The following PRDM15 variants were observed in gnomAD, a reference collection of about 807,000 sequenced individuals.
PRDM15 encodes PR/SET domain 15, also known as PR domain zinc finger protein 15.
PRDM15 carries 64 observed loss-of-function variants against 128.6 expected under a neutral mutation model. The ratio of observed to expected loss-of-function variants is 0.50; its 90% CI spans 0.41 to 0.61. The LOEUF is 0.61. Ranked by LOEUF, PRDM15 falls within the 20% of genes least tolerant of loss-of-function variation. The probability of loss-of-function intolerance (pLI) is 0.00; values close to 1 mark genes in which losing one functional copy is unlikely to be tolerated. For missense variants in PRDM15, 1,242 were observed against 1,569.1 expected, an observed-to-expected ratio of 0.79 and a Z score of 3.52; for synonymous variants, 615 against 621.8, an observed-to-expected ratio of 0.99 and a Z score of 0.16.
intron 1 of PRDM15, among the ~76,000 whole-genome samples, chr21:41,863,847 A>ATT (rs569051799): frequency 2.8e-5 from 4 of 145,388 alleles, no homozygotes; most frequent in Non-Finnish European, 4.6e-5. Flanking sequence ...TGCCCAAAGC[A>ATT]TTTTTTTTTT....
chr21:41,837,149 C>T (rs928458570), intron 8 of PRDM15, among the ~76,000 whole-genome samples: 2 of 152,130 alleles, frequency 1.3e-5, no homozygotes, highest in Non-Finnish European at 2.9e-5. Flanking sequence ...AAGAGGTGAT[C>T]CGAAAAGGGC....
intron 1 of PRDM15, among the ~76,000 whole-genome samples, 168 bp from the exon 2 acceptor site, chr21:41,860,540 A>G (rs2063779962): frequency 2.0e-5 from 3 of 152,224 alleles, no homozygotes. Context: ...CTCCTGCCTC[A>G]GCCTCCTGAG....
At chr21:41,817,536 T>G (rs2062095116) in intron 18 of PRDM15, among the ~76,000 whole-genome samples, 1 of 152,096 alleles carries the variant, frequency 6.6e-6, no homozygotes, top group Non-Finnish European at 1.5e-5. Context: ...AGTAATAATA[T>G]GCAACAGTGT....
chr21:41,802,815 G>T lies in PRDM15; in HGVS notation c.2840C>A (p.Pro947Gln). The stretch of plus-strand genomic sequence containing the variant: ...GCTGAAGGTGGCGTCCTCGGGCACC[G>T]GAGCACCCGCCTCCTCTTCTGGCTT... ...KQKPEEEAGAPVPEDATFSEY... is the reference protein window; with the variant it reads ...KQKPEEEAGAQVPEDATFSEY... The change falls in exon 23 of 24, where the codon CCG (proline) becomes CAG (glutamine). Residue 947 changes from proline to glutamine, a missense_variant. By Grantham distance (76) the Pro-to-Gln change is moderately conservative. This residue lies in a region of PRDM15 where 602 missense variants were observed against 788.3 expected (regional missense o/e 0.76). Coordinates refer to ENST00000398548, the MANE Select transcript of PRDM15 (RefSeq NM_001040424.3). The T allele has an allele frequency of 1.2e-6, 2 of 1,614,116 alleles. No individual in the cohort carries two copies. The highest frequency in any genetic ancestry group is 1.7e-6 in the Non-Finnish European group (2 of 1,179,974).
At chr21:41,877,491 A>G (rs2064462428) in intron 1 of PRDM15, 1 of 152,108 alleles carries the variant, frequency 6.6e-6, no homozygotes. Context: ...ACACTTTGCA[A>G]ATGAGGAACG....
chr21:41,849,199 C>T (rs188491965), intron 5 of PRDM15, among the ~76,000 whole-genome samples: 12 of 152,362 alleles, frequency 7.9e-5, no homozygotes, highest in South Asian at 4.1e-4. Context: ...CAGGGCCGCA[C>T]GAGAGAACTT....
intron 22 of PRDM15, among the ~76,000 whole-genome samples, chr21:41,804,055 CT>C (rs2061491464): frequency 2.6e-5 from 4 of 151,442 alleles, no homozygotes; most frequent in African/African-American, 7.3e-5. Context: ...ACCTCCGCCC[CT>C]GGGTTCAAGC....
chr21:41,815,805 G>A lies in PRDM15; in HGVS notation c.2292C>T (p.His764=). The A allele has an allele frequency of 1.2e-6, 2 of 1,614,040 alleles. No individual in the cohort carries two copies. The highest frequency in any genetic ancestry group is 1.7e-6 in the Non-Finnish European group (2 of 1,179,966). Residue 764 remains histidine, a synonymous_variant, in exon 19 of 24, where the codon CAC becomes CAT. Coordinates refer to ENST00000398548, the MANE Select transcript of PRDM15 (RefSeq NM_001040424.3). ...GMKTKHALRH[H]MKLHKGIKEY... ...CCTTGATGCCCTTGTGCAGCTTCAT[G>A]TGGTGGCGCAGCGCGTGCTTGGTCT...
chr21:41,835,407 GC>G (rs1568952212), intron 11 of PRDM15, 29 bp downstream of exon 11: 2 of 1,580,976 alleles, frequency 1.3e-6, no homozygotes, highest in African/African-American at 1.3e-5. Context: ...CCGCACAGCG[GC>G]CGAGGGGAGA....
chr21:41,825,321 C>T (rs1205158363), intron 13 of PRDM15, among the ~76,000 whole-genome samples: 1 of 152,264 alleles, frequency 6.6e-6, no homozygotes, highest in Non-Finnish European at 1.5e-5. Flanking sequence ...GGACGCGCAG[C>T]GTGTTTGCTG....
chr21:41,834,077 T>A (rs1331716334), intron 11 of PRDM15, among the ~76,000 whole-genome samples: 1 of 152,136 alleles, frequency 6.6e-6, no homozygotes, highest in African/African-American at 2.4e-5. Flanking sequence ...GGGCTTAAAA[T>A]GCAGGAGGTG....
In PRDM15 at chr21:41,810,343, C is replaced by T. The variant is rs191653397; in HGVS notation, c.2477-14G>A. Reference sequence around the variant, plus strand: ...ACTGCTTGCCCACTTTTCACACACACGCAGACACACATGCGCGTGGAAAGG... The same window carrying T: ...ACTGCTTGCCCACTTTTCACACACATGCAGACACACATGCGCGTGGAAAGG... On this transcript the variant is annotated splice_polypyrimidine_tract_variant and intron_variant, in intron 20 of 23. Coordinates refer to ENST00000398548, the MANE Select transcript of PRDM15 (RefSeq NM_001040424.3). This position sits in a 1 kb window ranked among gnomAD's most constrained non-coding sequence, Gnocchi z 6.4. 523 of 1,606,130 alleles carry T rather than the reference C, an allele frequency of 3.3e-4. 4 individuals carry two copies. In the African/African-American group the frequency reaches 5.4e-3, roughly 17 times the overall value.
chr21:41,826,605 C>CA (rs2062481631), intron 12 of PRDM15, among the ~76,000 whole-genome samples: 1 of 152,158 alleles, frequency 6.6e-6, no homozygotes. Flanking sequence ...AATGTTCATG[C>CA]AAAACAGGTA....
chr21:41,803,851 A>C (rs1175262275), intron 22 of PRDM15, among the ~76,000 whole-genome samples: 1 of 152,200 alleles, frequency 6.6e-6, no homozygotes, highest in Non-Finnish European at 1.5e-5. Context: ...AAATAAAAAA[A>C]AATTTTGCTA....
Position 41,828,362 on chromosome 21 carries a change from G to T in PRDM15, c.1367-29C>A. On this transcript the variant is annotated intron_variant, in intron 11 of 23. Coordinates refer to ENST00000398548, the MANE Select transcript of PRDM15 (RefSeq NM_001040424.3). The surrounding 1 kb of genome is among the most constrained non-coding windows in gnomAD (Gnocchi z 5.7). ...TCCAGAGAGCAAACAAACACACAACGATTTTGAGGTAAATAACATCTCACG... is the reference window on the plus strand; with the variant it reads ...TCCAGAGAGCAAACAAACACACAACTATTTTGAGGTAAATAACATCTCACG... The T allele has an allele frequency of 1.2e-6, 2 of 1,611,278 alleles. No homozygotes were observed. The highest frequency in any genetic ancestry group is 1.7e-6 in the Non-Finnish European group (2 of 1,177,856).
chr21:41,822,527 G>C (rs568392015), intron 14 of PRDM15, among the ~76,000 whole-genome samples: 7 of 152,378 alleles, frequency 4.6e-5, no homozygotes, highest in Admixed American at 3.9e-4. Flanking sequence ...CTTCAAGCCT[G>C]GCAGTTGGGC....
In PRDM15 at chr21:41,878,819, G is replaced by A. The variant is rs768057440; in HGVS notation, c.-10+451C>T. The A allele has an allele frequency of 4.4e-6, 5 of 1,138,042 alleles. No homozygotes were observed. In the South Asian group the frequency reaches 1.9e-4, roughly 44 times the overall value. 70.5% of individuals were successfully genotyped at this position (1,138,042 alleles called of 1,614,324 possible). A position where few individuals can be genotyped will look rare whatever the true frequency, so the allele number is the denominator to read the frequency against. ...GGGGCCTCGGCGACGACGCCGCCCG[G>A]CGGCGGGGGCCGCGGGGCCGCGGGC... On this transcript the variant is annotated intron_variant, in intron 1 of 23. Coordinates refer to ENST00000398548, the MANE Select transcript of PRDM15 (RefSeq NM_001040424.3).
Position 41,836,460 on chromosome 21 carries a change from G to A in PRDM15, c.1183+8C>T, listed in dbSNP as rs372216126. 5.6e-6 allele frequency: 9 copies of A among 1,604,490 alleles called. No homozygotes were observed. Among genetic ancestry groups the A allele is most frequent in the East Asian group, 2.2e-5 (1 of 44,600 alleles). On this transcript the variant is annotated splice_region_variant and intron_variant, in intron 9 of 23. Coordinates refer to ENST00000398548, the MANE Select transcript of PRDM15 (RefSeq NM_001040424.3). Reference sequence around the variant, plus strand: ...GCCCCGGGCGCCAGCCGGGCCTCGCGGACTCACCATGCGAGCGCACGTGCC... The same window carrying A: ...GCCCCGGGCGCCAGCCGGGCCTCGCAGACTCACCATGCGAGCGCACGTGCC...
intron 4 of PRDM15, among the ~76,000 whole-genome samples, chr21:41,856,371 G>A (rs906385599): frequency 6.9e-6 from 1 of 145,876 alleles, no homozygotes; most frequent in Non-Finnish European, 1.5e-5. Context: ...TGCCTTACAA[G>A]CTCAGCTTTC....
Sources: allele counts gnomAD v4.1 joint callset (sites outside exome capture counted in the v4.1 genomes callset), GRCh38; gene constraint gnomAD v4.1.1; regional missense constraint gnomAD v4.1.1; non-coding constraint Gnocchi (gnomAD v3.1); transcripts MANE v1.5; gene names NCBI Gene and HGNC (gene_info 2026-07-23, HGNC 2026-07-21).